SMIM21: variants seen among roughly 807,000 people sequenced by gnomAD.
SMIM21 encodes the protein small integral membrane protein 21, also known as chromosome 18 open reading frame 62.
Under a neutral mutation model 8.6 loss-of-function variants are expected in SMIM21, and 8 were observed. The ratio of observed to expected loss-of-function variants is 0.93; its 90% CI spans 0.55 to 1.68. The LOEUF is 1.68. Ranked by LOEUF, SMIM21 falls within the 40% of genes most tolerant of loss-of-function variation. The pLI is 0.00. For missense variants in SMIM21, 132 were observed against 123.0 expected, an observed-to-expected ratio of 1.07 and a Z score of -0.35; for synonymous variants, 43 against 41.7, an observed-to-expected ratio of 1.03 and a Z score of -0.12.
intron 2 of SMIM21, 119 bp from the exon 3 acceptor site, chr18:75,411,028 C>A (rs533312235): frequency 5.7e-6 from 8 of 1,400,504 alleles, no homozygotes; most frequent in African/African-American, 2.9e-5. Flanking sequence ...TTTAATTTTT[C>A]CCCCCAAGAT....
At chr18:75,421,691 T>G (rs1296355850) in intron 1 of SMIM21, among the ~76,000 whole-genome samples, 39 of 152,160 alleles carry the variant, frequency 2.6e-4, no homozygotes, top group Admixed American at 2.6e-3. Flanking sequence ...TGGGGAAGGC[T>G]GCAGGCCTGT....
At chr18:75,422,195 C>T (rs537325111) in intron 1 of SMIM21, among the ~76,000 whole-genome samples, 125 of 152,246 alleles carry the variant, frequency 8.2e-4, no homozygotes, top group African/African-American at 2.5e-3. Context: ...TGGGAGGCTG[C>T]GACCCCTTAT....
chr18:75,414,733 G>T (rs576169958), intron 2 of SMIM21, among the ~76,000 whole-genome samples: 2 of 152,260 alleles, frequency 1.3e-5, no homozygotes, highest in South Asian at 2.1e-4. Flanking sequence ...AGAATAAGAG[G>T]ATCCGGGAGA....
chr18:75,415,466 G>A (rs1324978482), intron 2 of SMIM21, among the ~76,000 whole-genome samples: 2 of 152,204 alleles, frequency 1.3e-5, no homozygotes, highest in Non-Finnish European at 2.9e-5. Flanking sequence ...TGACCCCGAC[G>A]TGTGACAACA....
chr18:75,427,674 T>C lies in SMIM21; in HGVS notation c.-111A>G, dbSNP rs535673344. On this transcript the variant is annotated 5_prime_UTR_variant, in exon 1 of 3. Transcript: ENST00000579022. Reference sequence around the variant, plus strand: ...ACTAAGTTCCCAAGGAGCTTTTCTCTTCTTTGCCAACCTTGAAGATCTGGG... The same window carrying C: ...ACTAAGTTCCCAAGGAGCTTTTCTCCTCTTTGCCAACCTTGAAGATCTGGG... 1 of 1,187,878 alleles carries C rather than the reference T, an allele frequency of 8.4e-7. No homozygotes were observed. The highest frequency in any genetic ancestry group is 1.1e-6 in the Non-Finnish European group (1 of 889,802). The allele number at this position is 1,187,878 out of a possible 1,614,324, so 73.6% of individuals were successfully genotyped here.
chr18:75,410,932 A>G (rs749144555), intron 2 of SMIM21, 23 bp from the exon 3 acceptor site: 1 of 1,613,670 alleles, frequency 6.2e-7, no homozygotes, highest in East Asian at 2.2e-5. Context: ...AAAGGGGGAA[A>G]AAGCATTTTA....
intron 2 of SMIM21, among the ~76,000 whole-genome samples, chr18:75,413,831 C>T (rs1273193144): frequency 3.9e-5 from 6 of 152,100 alleles, no homozygotes; most frequent in Admixed American, 1.3e-4. Context: ...TACTTCAACA[C>T]GTGATCTGCA....
At chr18:75,417,946 T>A (rs985135328) in intron 2 of SMIM21, 10 of 351,776 alleles carry the variant, frequency 2.8e-5, no homozygotes, top group Non-Finnish European at 5.0e-5. Context: ...AAATAGAGTT[T>A]AAGTCTTATT....
intron 2 of SMIM21, among the ~76,000 whole-genome samples, chr18:75,411,940 A>G (rs2024588893): frequency 6.6e-6 from 1 of 152,240 alleles, no homozygotes; most frequent in Non-Finnish European, 1.5e-5. Context: ...GGTCTCCTGC[A>G]GGCCGAGACA....
chr18:75,422,214 CA>C (rs1002566111), intron 1 of SMIM21, among the ~76,000 whole-genome samples: 3 of 152,156 alleles, frequency 2.0e-5, no homozygotes, highest in Non-Finnish European at 4.4e-5. Context: ...ATTCCTGAGA[CA>C]GGGGCGCACC....
intron 2 of SMIM21, among the ~76,000 whole-genome samples, chr18:75,413,589 G>A (rs564929989): frequency 6.6e-6 from 1 of 152,262 alleles, no homozygotes; most frequent in Non-Finnish European, 1.5e-5. Flanking sequence ...AAGGCCATTC[G>A]TGGTCTGGTA....
chr18:75,411,725 C>A (rs886317966), intron 2 of SMIM21, among the ~76,000 whole-genome samples: 1 of 152,214 alleles, frequency 6.6e-6, no homozygotes, highest in Admixed American at 6.5e-5. Context: ...TAATATTTAG[C>A]AAGCCTCATC....
rs2024563135 is a variant in SMIM21, at chr18:75,409,796, AT to A, written c.*1067del. On this transcript the variant is annotated 3_prime_UTR_variant, in exon 3 of 3. Transcript: ENST00000579022. ...CCACTTTGTTCCGGGGAGCCCAGCC[AT>A]CTGCACTCAGGTCCTCAGGTGGATT... The A allele has an allele frequency of 6.6e-6, 1 of 152,368 alleles. No individual in the cohort carries two copies. The highest frequency in any genetic ancestry group is 1.5e-5 in the Non-Finnish European group (1 of 68,088). 9.4% of individuals were successfully genotyped at this position (152,368 alleles called of 1,614,324 possible). A position where few individuals can be genotyped will look rare whatever the true frequency, so the allele number is the denominator to read the frequency against.
intron 1 of SMIM21, among the ~76,000 whole-genome samples, chr18:75,421,304 G>A (rs2024705916): frequency 6.6e-6 from 1 of 152,180 alleles, no homozygotes; most frequent in Admixed American, 6.5e-5. Flanking sequence ...TTATTTTTAA[G>A]AAAGGAGGTT....
rs983839353 is a variant in SMIM21 at position 75,427,579 on chromosome 18, G to C, written c.-16C>G. The C allele has an allele frequency of 6.3e-7, 1 of 1,584,422 alleles. No individual in the cohort carries two copies. Among genetic ancestry groups the C allele is most frequent in the African/African-American group, 1.3e-5 (1 of 74,532 alleles). ...ACTGGTCCATGTGGGGGCTGCGGCG[G>C]TGACCAGTGAGAGGTCTCCTTGATG... is the stretch of plus-strand genomic sequence containing the variant. On this transcript the variant is annotated 5_prime_UTR_variant, in exon 1 of 3. Transcript: ENST00000579022.
rs892225560 is a variant in SMIM21, at chr18:75,415,628, G to A, written c.260+3158C>T. On this transcript the variant is annotated intron_variant, in intron 2 of 2. Transcript: ENST00000579022. ...AGATCACCACCACTAACAACTCTGA[G>A]GGTCCTTTTCTTCCATGGACACACA... 3.9e-5 allele frequency among the ~76,000 whole-genome samples: 6 copies of A among 152,206 alleles called. No individual in the cohort carries two copies. In the East Asian group the frequency reaches 9.6e-4, roughly 24 times the overall value.
At chr18:75,413,645 C>T (rs1419478215) in intron 2 of SMIM21, among the ~76,000 whole-genome samples, 3 of 152,220 alleles carry the variant, frequency 2.0e-5, no homozygotes, top group African/African-American at 7.2e-5. Context: ...CCCTGCCTCT[C>T]TTCTCCACTT....
chr18:75,418,212 AT>A, intron 2 of SMIM21: 2 of 398,572 alleles, frequency 5.0e-6, no homozygotes, highest in Non-Finnish European at 8.8e-6. Flanking sequence ...GAAAAATAAA[AT>A]TAATATGCCT....
intron 2 of SMIM21, 105 bp downstream of exon 2, chr18:75,418,681 G>A: frequency 8.6e-7 from 1 of 1,159,256 alleles, no homozygotes; most frequent in East Asian, 2.4e-5. Flanking sequence ...CAGATTGATT[G>A]CTTGATGAAT....
Sources: gnomAD v4.1 joint callset for allele counts (sites outside exome capture counted in the v4.1 genomes callset) on GRCh38, gnomAD v4.1.1 for gene constraint, MANE v1.5 for transcripts, NCBI Gene and HGNC (gene_info 2026-07-23, HGNC 2026-07-21) for gene names.